LOXL2: variants seen among roughly 807,000 people sequenced by gnomAD.
LOXL2 encodes lysyl oxidase like 2.
LOXL2 carries 70 observed loss-of-function variants against 93.0 expected under a neutral mutation model. The ratio of observed to expected loss-of-function variants is 0.75; its 90% confidence interval spans 0.62 to 0.92. The LOEUF (loss-of-function observed/expected upper bound fraction) is 0.92, where lower values mean the gene tolerates loss of function less well. Among genes scored for constraint, LOXL2 ranks in the 40% least tolerant of loss-of-function variants. The pLI is 0.00. For synonymous variants in LOXL2, 438 were observed against 413.2 expected (o/e 1.06, Z -0.73); for missense variants, 973 against 1,054.9 (o/e 0.92, Z 1.08).
chr8:23,368,323 C>T lies in LOXL2; in HGVS notation c.29G>A (p.Cys10Tyr), dbSNP rs1804445998. MERPLCSHL[C>Y]SCLAMLALLS... ...GAGGGCCAGCATAGCCAGGCAGCTG[C>T]AGAGGTGGGAGCACAGAGGCCTCTC... Residue 10 changes from cysteine to tyrosine, a missense_variant, in exon 2 of 14, where the codon TGC (cysteine) becomes TAC (tyrosine). Cys to Tyr is a radical substitution (Grantham distance 194, BLOSUM62 -2). Transcript: ENST00000389131. 4 of 1,612,636 alleles carry T rather than the reference C, an allele frequency of 2.5e-6. No individual in the cohort carries two copies. The South Asian group carries it at 3.3e-5, about 13-fold the overall frequency.
intron 7 of LOXL2, among the ~76,000 whole-genome samples, chr8:23,320,260 C>T (rs1278061986): frequency 1.3e-5 from 2 of 152,210 alleles, no homozygotes; most frequent in Non-Finnish European, 2.9e-5. Flanking sequence ...GCACCCTAAG[C>T]AGCTGGGGAG....
chr8:23,328,496 C>G lies in LOXL2; in HGVS notation c.1036G>C (p.Glu346Gln), dbSNP rs1487843915. 6.2e-7 allele frequency: 1 copy of G among 1,614,144 alleles called. No individual in the cohort carries two copies. Reference protein sequence around the residue: ...EGRVEVLKNGEWGTVCDDKWD... With the variant: ...EGRVEVLKNGQWGTVCDDKWD... Reference sequence around the variant, plus strand: ...TTGTCGTCGCAGACGGTCCCCCATTCTCCATTTTTGAGCACCTCCACGCGG... The same window carrying G: ...TTGTCGTCGCAGACGGTCCCCCATTGTCCATTTTTGAGCACCTCCACGCGG... Residue 346 changes from glutamate to glutamine, a missense_variant, in exon 6 of 14, where the codon GAA (glutamate) becomes CAA (glutamine). Transcript: ENST00000389131.
At chr8:23,343,682 C>T (rs531108292) in intron 3 of LOXL2, among the ~76,000 whole-genome samples, 2 of 152,300 alleles carry the variant, frequency 1.3e-5, no homozygotes, top group Non-Finnish European at 1.5e-5. Context: ...CACTTGGCTC[C>T]GTTTCCTTTC....
intron 2 of LOXL2, 25 bp downstream of exon 2, chr8:23,367,972 C>G: frequency 1.3e-6 from 2 of 1,584,758 alleles, no homozygotes; most frequent in East Asian, 4.5e-5. Context: ...TGACAGCACT[C>G]AGATCCAAAG....
chr8:23,368,581 T>C (rs6985160), intron 1 of LOXL2, 147 bp from the exon 2 acceptor site: 399,757 of 579,314 alleles, frequency 0.69, 140,497 homozygotes, highest in East Asian at 0.87. Context: ...ATTTCCACCA[T>C]GCAGGGCTGG....
intron 2 of LOXL2, 49 bp from the exon 3 acceptor site, chr8:23,360,314 C>A: frequency 1.4e-6 from 2 of 1,458,752 alleles, no homozygotes; most frequent in Non-Finnish European, 1.9e-6. Context: ...CAATGCAGGT[C>A]TGAGTCTTTG....
At chr8:23,304,472 C>T (rs923110601) in intron 10 of LOXL2, among the ~76,000 whole-genome samples, 19 of 152,242 alleles carry the variant, frequency 1.2e-4, no homozygotes, top group African/African-American at 4.3e-4. Flanking sequence ...ATTCTATATG[C>T]TTGTCTCTGC....
intron 4 of LOXL2, among the ~76,000 whole-genome samples, chr8:23,335,080 G>A (rs893965899): frequency 5.3e-5 from 8 of 152,122 alleles, no homozygotes; most frequent in South Asian, 2.1e-4. Context: ...CTCCCAAAGC[G>A]TTGGGATTAC....
chr8:23,355,638 G>A (rs897931076), intron 3 of LOXL2, among the ~76,000 whole-genome samples: 1 of 132,512 alleles, frequency 7.5e-6, no homozygotes, highest in South Asian at 2.4e-4. Context: ...ACAGGGTCTC[G>A]CCCTGTTGTC....
chr8:23,380,804 G>C (rs548507183), intron 1 of LOXL2, among the ~76,000 whole-genome samples: 2 of 152,156 alleles, frequency 1.3e-5, no homozygotes, highest in South Asian at 2.1e-4. Flanking sequence ...CTTGAGGTCA[G>C]GAGTTAAAGA....
chr8:23,345,065 A>G (rs908325151), intron 3 of LOXL2, among the ~76,000 whole-genome samples: 1 of 152,220 alleles, frequency 6.6e-6, no homozygotes, highest in Non-Finnish European at 1.5e-5. Context: ...AGAAAACTTT[A>G]CATCCACTCC....
intron 1 of LOXL2, among the ~76,000 whole-genome samples, chr8:23,392,360 C>A (rs1402688421): frequency 6.6e-6 from 1 of 152,190 alleles, no homozygotes; most frequent in Admixed American, 6.5e-5. Context: ...TTGGCTGCTA[C>A]AATGCCAGCT....
At chr8:23,343,913 G>A (rs757116035) in intron 3 of LOXL2, among the ~76,000 whole-genome samples, 111 of 152,348 alleles carry the variant, frequency 7.3e-4, no homozygotes, top group Non-Finnish European at 1.1e-3. Context: ...GTGTGTAACT[G>A]TCATGCCCAG....
chr8:23,354,932 A>AATATATATATATATATATATATATATAT (rs770424807), intron 3 of LOXL2, among the ~76,000 whole-genome samples: 1 of 59,190 alleles, frequency 1.7e-5, no homozygotes, highest in African/African-American at 9.2e-5. Flanking sequence ...TGGGAGTTGG[A>AATATATATATATATATATATATATATAT]ATATATATAT....
At chr8:23,395,954 G>A (rs1437866610) in intron 1 of LOXL2, among the ~76,000 whole-genome samples, 2 of 152,146 alleles carry the variant, frequency 1.3e-5, no homozygotes, top group African/African-American at 4.8e-5. Context: ...AATTACAGGT[G>A]TGAGCCACTG....
chr8:23,362,968 G>A (rs543690323), intron 2 of LOXL2, among the ~76,000 whole-genome samples: 4 of 152,206 alleles, frequency 2.6e-5, no homozygotes, highest in African/African-American at 9.6e-5. Flanking sequence ...GCCACACACT[G>A]GGGCACTGTG....
intron 5 of LOXL2, chr8:23,329,028 CT>C (rs1157697256): frequency 5.8e-6 from 1 of 173,626 alleles, no homozygotes; most frequent in East Asian, 1.6e-4. Flanking sequence ...AACAAGGTTG[CT>C]TCTAAGCAAG....
chr8:23,307,080 A>G (rs1210557488), intron 10 of LOXL2, among the ~76,000 whole-genome samples: 2 of 152,216 alleles, frequency 1.3e-5, no homozygotes, highest in African/African-American at 4.8e-5. Flanking sequence ...CACTAATTTG[A>G]GCCAGGGTTC....
At chr8:23,308,987 TA>T (rs140954497) in intron 10 of LOXL2, among the ~76,000 whole-genome samples, 3,150 of 137,804 alleles carry the variant, frequency 0.023, 122 homozygotes, top group African/African-American at 0.084. Flanking sequence ...TATATATATA[TA>T]TATTTTTTTT....
Sources: allele counts gnomAD v4.1 joint callset (sites outside exome capture counted in the v4.1 genomes callset), GRCh38; gene constraint gnomAD v4.1.1; transcripts MANE v1.5; gene names NCBI Gene and HGNC (gene_info 2026-07-23, HGNC 2026-07-21).